The following XIAP variants were observed in gnomAD, a reference collection of about 807,000 sequenced individuals.
The protein encoded by XIAP is E3 ubiquitin-protein ligase XIAP.
Under a neutral mutation model 33.1 loss-of-function variants are expected in XIAP, and 3 were observed. The observed-to-expected ratio is 0.09, with a 90% CI of 0.04 to 0.23. The LOEUF (loss-of-function observed/expected upper bound fraction) is 0.23. Among genes scored for constraint, XIAP ranks in the 10% least tolerant of loss-of-function variants. The probability of loss-of-function intolerance (pLI) is 1.00; values close to 1 mark genes in which losing one functional copy is unlikely to be tolerated. For synonymous variants in XIAP, 98 were observed against 121.3 expected (o/e 0.81, Z 1.26); for missense variants, 264 against 363.0 (o/e 0.73, Z 2.22).
intron 5 of XIAP, among the ~76,000 whole-genome samples, chrX:123,895,654 T>C (rs971943386): frequency 4.5e-4 from 50 of 112,139 alleles, no homozygotes; most frequent in African/African-American, 1.6e-3. Context: ...TGGTATCTCA[T>C]TGTGGTTTTG....
At chrX:123,891,768 G>A (rs1179913206) in intron 4 of XIAP, among the ~76,000 whole-genome samples, 1 of 103,445 alleles carries the variant, frequency 9.7e-6, no homozygotes, top group Non-Finnish European at 2.0e-5. Flanking sequence ...GATTCAGTGA[G>A]CCAGGTTCAT....
rs57436822 is a variant in XIAP, at chrX:123,869,362, CA to C, written c.-33+9091del. Among the ~76,000 whole-genome samples the C allele has an allele frequency of 3.9e-3, 115 of 29,719 alleles. 2 individuals are homozygous for C. The highest frequency in any genetic ancestry group is 0.013 in the South Asian group (6 of 449). 25.8% of individuals were successfully genotyped at this position (29,719 alleles called of 115,157 possible). A position where few individuals can be genotyped will look rare whatever the true frequency, so the allele number is the denominator to read the frequency against. ...AAACCCCATCTCTACTAAAAAAATA[CA>C]AAAAAAAAAAAAAAAAAAAAAGCTG... On this transcript the variant is annotated intron_variant, in intron 1 of 6. Transcript: ENST00000371199.
At position 123,885,710 on chromosome X, in the gene XIAP, C is replaced by T; in HGVS notation, c.48C>T (p.Asp16=). 8.3e-7 allele frequency: 1 copy of T among 1,210,543 alleles called. No homozygotes were observed. Among genetic ancestry groups the T allele is most frequent in the Non-Finnish European group, 1.1e-6 (1 of 894,896 alleles). The stretch of plus-strand genomic sequence containing the variant: ...GATCTAAAACTTGTGTACCTGCAGA[C>T]ATCAATAAGGAAGAAGAATTTGTAG... ...FEGSKTCVPA[D]INKEEEFVEE... is the part of the protein sequence containing the mutation. The change falls in exon 2 of 7, where the codon GAC becomes GAT. Residue 16 remains aspartate, a synonymous_variant. Transcript: ENST00000371199.
At position 123,909,220 on chromosome X, in the gene XIAP, G is replaced by A. The variant is rs891119805; in HGVS notation, c.*2039G>A. 6.7e-5 allele frequency: 20 copies of A among 297,589 alleles called. No homozygotes were observed. 24.5% of individuals were successfully genotyped at this position (297,589 alleles called of 1,213,427 possible). On this transcript the variant is annotated 3_prime_UTR_variant, in exon 7 of 7. Coordinates refer to ENST00000371199, the MANE Select transcript of XIAP (RefSeq NM_001167.4). The stretch of plus-strand genomic sequence containing the variant: ...ATTTTTTTTTATTTTTAGTAGAGAC[G>A]GGGTTTCACCATGTTGGCCAGGCTG...
At chrX:123,877,068 CT>C (rs771164262) in intron 1 of XIAP, among the ~76,000 whole-genome samples, 163 of 97,449 alleles carry the variant, frequency 1.7e-3, no homozygotes, top group East Asian at 7.5e-3. Context: ...AATTAATTGC[CT>C]TTTTTTTTTT....
At chrX:123,859,943 G>A (rs1456928462), upstream of XIAP, 1 of 266,042 alleles carries the variant, frequency 3.8e-6, no homozygotes, top group Non-Finnish European at 7.3e-6. Flanking sequence ...AGAAGGAGGG[G>A]CTTTGCAGGG....
rs35412191 is a variant in XIAP at position 123,881,756 on chromosome X, A to AT, written c.-32-3858dup. Among the ~76,000 whole-genome samples, 306 of 90,441 alleles carry AT rather than the reference A, an allele frequency of 3.4e-3. 1 individual carries two copies. The highest frequency in any genetic ancestry group is 4.7e-3 in the South Asian group (10 of 2,134). The allele number at this position is 90,441 out of a possible 115,157, so 78.5% of individuals were successfully genotyped here. On this transcript the variant is annotated intron_variant, in intron 1 of 6. Transcript: ENST00000371199. ...AGAATATCTTTGATTTTATACTTCTATTTTTTTTTTTTTTTTTGAGACAGA... is the reference window on the plus strand; with the variant it reads ...AGAATATCTTTGATTTTATACTTCTATTTTTTTTTTTTTTTTTTGAGACAGA...
chrX:123,899,142 AAAAT>A (rs1269426622), intron 5 of XIAP, among the ~76,000 whole-genome samples: 3 of 59,387 alleles, frequency 5.1e-5, no homozygotes, highest in Admixed American at 4.1e-4. Context: ...AAAAAAAAAA[AAAAT>A]ATATATATAT....
intron 6 of XIAP, among the ~76,000 whole-genome samples, chrX:123,905,243 A>G (rs1272785234): frequency 9.0e-6 from 1 of 111,483 alleles, no homozygotes; most frequent in Non-Finnish European, 1.9e-5. Flanking sequence ...CTAATCTTTC[A>G]TGATCAGGCA....
At chrX:123,876,483 A>G (rs2053245326) in intron 1 of XIAP, among the ~76,000 whole-genome samples, 1 of 111,227 alleles carries the variant, frequency 9.0e-6, no homozygotes, top group Non-Finnish European at 1.9e-5. Context: ...TCAGGAGTAT[A>G]GCTTGAGTCC....
At chrX:123,868,244 G>A (rs2053162229) in intron 1 of XIAP, among the ~76,000 whole-genome samples, 1 of 111,451 alleles carries the variant, frequency 9.0e-6, no homozygotes, top group Admixed American at 9.7e-5. Context: ...AGTGAGCCAT[G>A]AGGGCACCAC....
intron 1 of XIAP, chrX:123,872,516 C>G (rs2148075846): frequency 9.1e-6 from 1 of 110,130 alleles, no homozygotes; most frequent in East Asian, 2.9e-4. Context: ...TGACGAAACC[C>G]CGTCTCTACT....
chrX:123,876,703 T>G (rs1001003044), intron 1 of XIAP, among the ~76,000 whole-genome samples: 1 of 85,571 alleles, frequency 1.2e-5, no homozygotes, highest in African/African-American at 4.0e-5. Flanking sequence ...AGGCCTTGTC[T>G]TTTAAATAAA....
chrX:123,877,954 C>T (rs956883160), intron 1 of XIAP, among the ~76,000 whole-genome samples: 8 of 97,962 alleles, frequency 8.2e-5, no homozygotes, highest in Admixed American at 2.3e-4. Flanking sequence ...AGCCTGGGAG[C>T]GAGACTCCGT....
intron 6 of XIAP, 147 bp downstream of exon 6, chrX:123,900,840 C>T (rs944877234): frequency 1.7e-5 from 9 of 527,287 alleles, no homozygotes; most frequent in Non-Finnish European, 2.9e-5. Flanking sequence ...GCTCAAGCTG[C>T]TATAATAAAA....
chrX:123,897,621 A>G (rs768609529), intron 5 of XIAP, among the ~76,000 whole-genome samples: 1 of 109,591 alleles, frequency 9.1e-6, no homozygotes, highest in Admixed American at 9.7e-5. Flanking sequence ...GGAGTGCAGT[A>G]GTGCGATCTT....
intron 1 of XIAP, among the ~76,000 whole-genome samples, chrX:123,879,827 A>G (rs1473808212): frequency 9.0e-6 from 1 of 111,366 alleles, no homozygotes; most frequent in African/African-American, 3.3e-5. Context: ...CGTATTTGAA[A>G]ACCTTGGCTG....
chrX:123,904,217 G>A (rs914675725), intron 6 of XIAP, among the ~76,000 whole-genome samples: 2 of 111,226 alleles, frequency 1.8e-5, no homozygotes, highest in Non-Finnish European at 3.8e-5. Flanking sequence ...GATTATAGGC[G>A]TGAGCCACCG....
intron 1 of XIAP, among the ~76,000 whole-genome samples, chrX:123,869,401 G>A (rs1165846678): frequency 2.5e-5 from 2 of 79,553 alleles, no homozygotes; most frequent in South Asian, 5.0e-4. Context: ...TCATGCCTCT[G>A]CAATCCCAGC....
Sources: allele counts gnomAD v4.1 joint callset (sites outside exome capture counted in the v4.1 genomes callset), GRCh38; gene constraint gnomAD v4.1.1; transcripts MANE v1.5; gene names NCBI Gene and HGNC (gene_info 2026-07-23, HGNC 2026-07-21).